DGKE: variants seen among roughly 807,000 people sequenced by gnomAD.
DGKE encodes the protein DAG kinase epsilon.
A neutral mutation model predicts 70.0 loss-of-function variants in DGKE; 53 were observed. That is an observed-to-expected ratio of 0.76 (90% CI 0.61 to 0.95). The LOEUF is 0.95. Among genes scored for constraint, DGKE ranks in the 40% least tolerant of loss-of-function variants. The pLI, the probability that DGKE is intolerant of heterozygous loss-of-function variation, is 0.00. For synonymous variants in DGKE, 291 were observed against 257.0 expected (o/e 1.13, Z -1.27); for missense variants, 655 against 706.9 (o/e 0.93, Z 0.83).
At position 56,867,493 on chromosome 17, in the gene DGKE, A is replaced by G. The variant is rs900651396; in HGVS notation, c.*4702A>G. 2 of 152,146 alleles carry G rather than the reference A, an allele frequency of 1.3e-5. No homozygotes were observed. The highest frequency in any genetic ancestry group is 2.4e-5 in the African/African-American group (1 of 41,408). 9.4% of individuals were successfully genotyped at this position (152,146 alleles called of 1,614,324 possible). A position where few individuals can be genotyped will look rare whatever the true frequency, so the allele number is the denominator to read the frequency against. ...TGGCACATGCCTTTAATCCCAGCTA[A>G]TCAGGAGGCTGAGGCACGAGAATTG... On this transcript the variant is annotated 3_prime_UTR_variant, in exon 12 of 12. Coordinates refer to ENST00000284061, the MANE Select transcript of DGKE (RefSeq NM_003647.3).
chr17:56,839,754 C>G (rs922916234), intron 2 of DGKE, among the ~76,000 whole-genome samples: 4 of 152,160 alleles, frequency 2.6e-5, no homozygotes, highest in Non-Finnish European at 5.9e-5. Flanking sequence ...TTCCTGGGCT[C>G]AAGCAATCCT....
In DGKE at chr17:56,861,938, G is replaced by T. The variant is rs1456996686; in HGVS notation, c.1412+20G>T. On this transcript the variant is annotated intron_variant, in intron 10 of 11. Transcript: ENST00000284061. ...AGCCAGGTATGTACATTTGTGGTCT[G>T]TTTTTTTATGTCACTATTTTATTTA... 1 of 1,570,104 alleles carries T rather than the reference G, an allele frequency of 6.4e-7. No individual in the cohort carries two copies.
In DGKE at chr17:56,863,155, A is replaced by G. The variant is rs1012745003; in HGVS notation, c.*364A>G. The G allele has an allele frequency of 6.2e-6, 1 of 161,344 alleles. No individual in the cohort carries two copies. The highest frequency in any genetic ancestry group is 1.3e-5 in the Non-Finnish European group (1 of 74,498). 10.0% of individuals were successfully genotyped at this position (161,344 alleles called of 1,614,324 possible). A position where few individuals can be genotyped will look rare whatever the true frequency, so the allele number is the denominator to read the frequency against. ...TGATGGACACACAATGGATGGACAC[A>G]TTATATCTCCAACAAGGTGTGGGTG... is the stretch of plus-strand genomic sequence containing the variant. On this transcript the variant is annotated 3_prime_UTR_variant, in exon 12 of 12. Coordinates refer to ENST00000284061, the MANE Select transcript of DGKE (RefSeq NM_003647.3).
chr17:56,839,574 G>A (rs1196969221), intron 2 of DGKE, among the ~76,000 whole-genome samples: 3 of 152,088 alleles, frequency 2.0e-5, no homozygotes, highest in African/African-American at 4.8e-5. Flanking sequence ...GCTGGAAGAC[G>A]GTGGCAAGAT....
At chr17:56,862,463 C>T (rs182399385) in intron 11 of DGKE, 149 bp from the exon 12 acceptor site, 1 of 926,960 alleles carries the variant, frequency 1.1e-6, no homozygotes, top group African/African-American at 1.7e-5. Context: ...AAAAGAATTC[C>T]TTAATCAATG....
chr17:56,834,882 G>T lies in DGKE; in HGVS notation c.87G>T (p.Ser29=), dbSNP rs1412117528. The T allele has an allele frequency of 6.2e-7, 1 of 1,613,480 alleles. No individual in the cohort carries two copies. Among genetic ancestry groups the T allele is most frequent in the Non-Finnish European group, 8.5e-7 (1 of 1,179,848 alleles). Residue 29 remains serine (S), a synonymous_variant, in exon 2 of 12, where the codon TCG becomes TCT. Coordinates refer to ENST00000284061, the MANE Select transcript of DGKE (RefSeq NM_003647.3). The part of the protein sequence containing the change: ...DGHLILWTLC[S]VLLPVFITFW... ...ACCTGATCTTGTGGACGCTGTGCTC[G>T]GTCCTGCTGCCGGTGTTCATCACCT... is the stretch of plus-strand genomic sequence containing the variant.
chr17:56,849,232 G>A lies in DGKE; in HGVS notation c.1098G>A (p.Lys366=), dbSNP rs1598032637. 3.1e-6 allele frequency: 5 copies of A among 1,609,754 alleles called. No homozygotes were observed. Among genetic ancestry groups the A allele is most frequent in the Non-Finnish European group, 4.2e-6 (5 of 1,178,850 alleles). ...NKGYYNLRKP[K]EFTMNNYFSV... is the part of the protein sequence containing the mutation. ...GATACTACAACTTAAGAAAACCCAA[G>A]GTATGTTGTTAGTGCCTCAGTTGCA... Residue 366 remains lysine (K), a splice_region_variant and synonymous_variant, in exon 7 of 12, where the codon AAG becomes AAA. Transcript: ENST00000284061.
In DGKE at chr17:56,862,874, T is replaced by G; in HGVS notation, c.*83T>G. 4.3e-5 allele frequency: 53 copies of G among 1,229,444 alleles called. No individual in the cohort carries two copies. The highest frequency in any genetic ancestry group is 5.0e-5 in the Non-Finnish European group (47 of 942,170). The allele number at this position is 1,229,444 out of a possible 1,614,324, so 76.2% of individuals were successfully genotyped here. ...TCCAAAAGTATTAATAGAAATTCTC[T>G]ATCAGCTATTCAGTCTTAATTTCAC... On this transcript the variant is annotated 3_prime_UTR_variant, in exon 12 of 12. Transcript: ENST00000284061.
intron 2 of DGKE, 142 bp downstream of exon 2, chr17:56,835,401 AG>A: frequency 1.1e-6 from 1 of 888,750 alleles, no homozygotes; most frequent in South Asian, 1.8e-5. Context: ...AACATCCCTG[AG>A]TTTGTGCAAG....
chr17:56,859,392 T>G (rs1183660721), intron 9 of DGKE, among the ~76,000 whole-genome samples: 3 of 151,922 alleles, frequency 2.0e-5, no homozygotes, highest in Non-Finnish European at 4.4e-5. Flanking sequence ...GATTGCTTAT[T>G]GCAACAGCAT....
chr17:56,836,219 T>TG (rs1664198849), intron 2 of DGKE: 1 of 151,852 alleles, frequency 6.6e-6, no homozygotes, highest in South Asian at 2.1e-4. Flanking sequence ...TTTAATTTTT[T>TG]TTGCAGAAAT....
chr17:56,862,410 A>G (rs769823870), intron 11 of DGKE, 159 bp downstream of exon 11: 45 of 892,574 alleles, frequency 5.0e-5, no homozygotes, highest in Non-Finnish European at 7.0e-5. Flanking sequence ...AGGAAGAAAC[A>G]GAAACATGGC....
intron 4 of DGKE, 38 bp downstream of exon 4, chr17:56,845,847 A>C: frequency 2.6e-6 from 4 of 1,546,616 alleles, no homozygotes; most frequent in Non-Finnish European, 3.5e-6. Context: ...TAATGTTTTC[A>C]TTTTCCCCAA....
intron 2 of DGKE, among the ~76,000 whole-genome samples, chr17:56,841,217 C>G (rs1906959330): frequency 6.7e-6 from 1 of 149,288 alleles, no homozygotes; most frequent in Admixed American, 6.7e-5. Flanking sequence ...CACCACTGCA[C>G]TCCAAGCCTA....
Position 56,848,019 on chromosome 17 carries a change from G to T in DGKE, c.842G>T (p.Gly281Val), listed in dbSNP as rs755230915. The change falls in exon 5 of 12, where the codon GGG becomes GTG. Residue 281 changes from glycine to valine, a missense_variant. Gly to Val is a moderately radical substitution (Grantham distance 109, BLOSUM62 -3). Transcript: ENST00000284061. ...SARVLVCGGDGTVGWVLDAVD... is the reference protein window; with the variant it reads ...SARVLVCGGDVTVGWVLDAVD... ...CGAGTACTTGTTTGTGGAGGGGATG[G>T]GACTGTAGGGTGGGTCCTGGATGCA... 1.2e-6 allele frequency: 2 copies of T among 1,603,928 alleles called. No homozygotes were observed. The highest frequency in any genetic ancestry group is 1.1e-5 in the South Asian group (1 of 89,078).
Position 56,834,906 on chromosome 17 carries a change from C to T in DGKE, c.111C>T (p.Thr37=), listed in dbSNP as rs750019604. 8 of 1,613,820 alleles carry T rather than the reference C, an allele frequency of 5.0e-6. No individual in the cohort carries two copies. Among genetic ancestry groups the T allele is most frequent in the East Asian group, 2.2e-5 (1 of 44,864 alleles). Residue 37 remains threonine (T), a synonymous_variant, in exon 2 of 12, where the codon ACC becomes ACT. Coordinates refer to ENST00000284061, the MANE Select transcript of DGKE (RefSeq NM_003647.3). ...LCSVLLPVFI[T]FWCSLQRSRR... ...CGGTCCTGCTGCCGGTGTTCATCAC[C>T]TTCTGGTGTAGCCTCCAGCGGTCGC...
At position 56,834,811 on chromosome 17, in the gene DGKE, C is replaced by T; in HGVS notation, c.16C>T (p.Arg6Trp). ...CTTGGAGAAGATGGAAGCGGAGAGG[C>T]GGCCGGCGCCGGGCTCGCCCTCCGA... is the stretch of plus-strand genomic sequence containing the variant. The part of the protein sequence containing the change: MEAER[R>W]PAPGSPSEGL... Residue 6 changes from arginine to tryptophan, a missense_variant, in exon 2 of 12, where the codon CGG becomes TGG. By Grantham distance (101) the Arg-to-Trp change is moderately radical. Coordinates refer to ENST00000284061, the MANE Select transcript of DGKE (RefSeq NM_003647.3). 1.9e-6 allele frequency: 3 copies of T among 1,602,332 alleles called. No homozygotes were observed. The highest frequency in any genetic ancestry group is 2.6e-6 in the Non-Finnish European group (3 of 1,175,138).
At chr17:56,851,458 C>G (rs950719545) in intron 7 of DGKE, among the ~76,000 whole-genome samples, 6 of 152,206 alleles carry the variant, frequency 3.9e-5, no homozygotes, top group Non-Finnish European at 8.8e-5. Context: ...GGGAAGCTAA[C>G]TTGCCCAAGA....
chr17:56,840,415 G>A (rs1031839519), intron 2 of DGKE, among the ~76,000 whole-genome samples: 1 of 151,956 alleles, frequency 6.6e-6, no homozygotes, highest in African/African-American at 2.4e-5. Flanking sequence ...TCACTCTGTC[G>A]CTCAGGTTGC....
Sources: allele counts gnomAD v4.1 joint callset (sites outside exome capture counted in the v4.1 genomes callset), GRCh38; gene constraint gnomAD v4.1.1; transcripts MANE v1.5; gene names NCBI Gene and HGNC (gene_info 2026-07-23, HGNC 2026-07-21).